Variants in B3GALT1 observed in about 807,000 individuals in gnomAD.
B3GALT1 encodes beta-1,3-galactosyltransferase 1.
In B3GALT1, 10 loss-of-function variants were observed where a neutral mutation model predicts 23.2. That is an observed-to-expected ratio of 0.43 (90% CI 0.27 to 0.73). B3GALT1 has a LOEUF of 0.73. Among genes scored for constraint, B3GALT1 ranks in the 30% least tolerant of loss-of-function variants. B3GALT1 has a pLI of 0.21. For missense variants in B3GALT1, 299 were observed against 405.4 expected, an observed-to-expected ratio of 0.74 and a Z score of 2.25; for synonymous variants, 156 against 141.5, an observed-to-expected ratio of 1.10 and a Z score of -0.73.
intron 1 of B3GALT1, among the ~76,000 whole-genome samples, chr2:167,488,871 T>G (rs1198853521): frequency 1.3e-5 from 2 of 152,186 alleles, no homozygotes; most frequent in African/African-American, 2.4e-5. Context: ...TCATGCAACT[T>G]TAAGATTTTT....
At chr2:167,363,097 C>T (rs922292844) in intron 1 of B3GALT1, among the ~76,000 whole-genome samples, 19 of 151,900 alleles carry the variant, frequency 1.3e-4, no homozygotes, top group East Asian at 3.9e-4. Context: ...TCATGTAATC[C>T]ACCCACCTCA....
chr2:167,628,841 A>G (rs145030624), intron 2 of B3GALT1, among the ~76,000 whole-genome samples: 165 of 151,838 alleles, frequency 1.1e-3, no homozygotes, highest in African/African-American at 3.8e-3. Flanking sequence ...TATATATTCA[A>G]TGGAGTGAGG....
chr2:167,518,348 A>G (rs980738375), intron 2 of B3GALT1, among the ~76,000 whole-genome samples: 6 of 152,128 alleles, frequency 3.9e-5, no homozygotes, highest in African/African-American at 1.4e-4. Context: ...CTTTCTGGCA[A>G]AAGGCTCACA....
At chr2:167,703,727 G>C (rs911334914) in intron 3 of B3GALT1, among the ~76,000 whole-genome samples, 1 of 152,146 alleles carries the variant, frequency 6.6e-6, no homozygotes, top group African/African-American at 2.4e-5. Flanking sequence ...GGTTGCAAGG[G>C]CAGATCATTT....
At chr2:167,595,919 C>G (rs1255474743) in intron 2 of B3GALT1, among the ~76,000 whole-genome samples, 2 of 152,112 alleles carry the variant, frequency 1.3e-5, no homozygotes, top group Non-Finnish European at 2.9e-5. Flanking sequence ...CTTTTCAGTT[C>G]TTATCACTTT....
intron 2 of B3GALT1, among the ~76,000 whole-genome samples, chr2:167,559,556 A>G (rs1439599887): frequency 2.0e-5 from 3 of 152,316 alleles, no homozygotes; most frequent in Middle Eastern, 6.8e-3. Context: ...GAAAACTTTG[A>G]AAAAAATTTA....
At chr2:167,379,632 T>C (rs1697816364) in intron 1 of B3GALT1, among the ~76,000 whole-genome samples, 1 of 152,170 alleles carries the variant, frequency 6.6e-6, no homozygotes. Flanking sequence ...TATTTGATTC[T>C]TGTTTACTGG....
At chr2:167,428,932 T>A (rs2105306193) in intron 1 of B3GALT1, among the ~76,000 whole-genome samples, 1 of 152,200 alleles carries the variant, frequency 6.6e-6, no homozygotes, top group African/African-American at 2.4e-5. Context: ...CATACCATCT[T>A]ATTCTAAAGG....
intron 3 of B3GALT1, among the ~76,000 whole-genome samples, chr2:167,788,282 G>C (rs191985008): frequency 5.9e-5 from 9 of 151,464 alleles, no homozygotes; most frequent in Admixed American, 5.3e-4. Flanking sequence ...GGGTGGGGGC[G>C]GGGGGGTGTT....
chr2:167,572,157 A>G (rs1429844675), intron 2 of B3GALT1, among the ~76,000 whole-genome samples: 1 of 151,864 alleles, frequency 6.6e-6, no homozygotes, highest in African/African-American at 2.4e-5. Context: ...AATTAAAATG[A>G]AAGTCATTTC....
At chr2:167,325,211 G>GT (rs980003698) in intron 1 of B3GALT1, among the ~76,000 whole-genome samples, 9 of 150,712 alleles carry the variant, frequency 6.0e-5, no homozygotes, top group African/African-American at 2.0e-4. Flanking sequence ...CTTTTTTTTT[G>GT]TTTTTTGGAT....
intron 1 of B3GALT1, among the ~76,000 whole-genome samples, chr2:167,447,373 C>T (rs949781386): frequency 2.6e-5 from 4 of 152,228 alleles, no homozygotes; most frequent in Non-Finnish European, 5.9e-5. Flanking sequence ...TGGAGAACCA[C>T]TACTCTCTTC....
intron 4 of B3GALT1, among the ~76,000 whole-genome samples, chr2:167,857,352 G>C (rs1384081190): frequency 2.0e-5 from 3 of 152,038 alleles, no homozygotes; most frequent in Non-Finnish European, 4.4e-5. Context: ...AATGAGAAGA[G>C]TCCAGCATAG....
intron 1 of B3GALT1, among the ~76,000 whole-genome samples, chr2:167,418,678 CTT>C (rs55702273): frequency 2.7e-3 from 330 of 122,874 alleles, no homozygotes; most frequent in Middle Eastern, 4.3e-3. Flanking sequence ...ATTTCTTCCT[CTT>C]TTTTTTTTTT....
At chr2:167,512,601 T>TATATAC (rs1700034661) in intron 2 of B3GALT1, among the ~76,000 whole-genome samples, 6 of 103,960 alleles carry the variant, frequency 5.8e-5, no homozygotes, top group African/African-American at 2.1e-4. Context: ...TGTGTATATA[T>TATATAC]ATATATGTAT....
At position 167,449,032 on chromosome 2, in the gene B3GALT1, A is replaced by T. The variant is rs930959793; in HGVS notation, c.-510-41145A>T. Among the ~76,000 whole-genome samples, 3 of 152,112 alleles carry T rather than the reference A, an allele frequency of 2.0e-5. No individual in the cohort carries two copies. In the East Asian group the frequency reaches 5.8e-4, roughly 29 times the overall value. On this transcript the variant is annotated intron_variant, in intron 1 of 4. Coordinates refer to ENST00000392690, the MANE Select transcript of B3GALT1 (RefSeq NM_020981.4). ...GTATAGTTTAAAGTTGGGTAATGTG[A>T]TGCCTTCAGATTTGTTATTTTTGCT...
At position 167,567,229 on chromosome 2, in the gene B3GALT1, C is replaced by A. The variant is rs201247268; in HGVS notation, c.-410+76952C>A. 1.1e-4 allele frequency among the ~76,000 whole-genome samples: 17 copies of A among 152,092 alleles called. No individual in the cohort carries two copies. In the East Asian group the frequency reaches 3.3e-3, roughly 29 times the overall value. On this transcript the variant is annotated intron_variant, in intron 2 of 4. Transcript: ENST00000392690. ...GTGATTAGAAAACTGTATCTTAAAA[C>A]TCAAAAAAATAAGAAATAGAATTAA... is the stretch of plus-strand genomic sequence containing the variant.
intron 1 of B3GALT1, among the ~76,000 whole-genome samples, chr2:167,482,262 T>A (rs977429226): frequency 2.0e-5 from 3 of 152,316 alleles, no homozygotes; most frequent in East Asian, 1.9e-4. Context: ...TGAATCATAT[T>A]TTTTGGCTAC....
At chr2:167,826,644 G>C (rs1689235403) in intron 4 of B3GALT1, among the ~76,000 whole-genome samples, 1 of 152,198 alleles carries the variant, frequency 6.6e-6, no homozygotes, top group South Asian at 2.1e-4. Context: ...GTGAGAGTCA[G>C]GGATGTTTAT....
Sources: gnomAD v4.1 joint callset for allele counts (sites outside exome capture counted in the v4.1 genomes callset) on GRCh38, gnomAD v4.1.1 for gene constraint, MANE v1.5 for transcripts, NCBI Gene and HGNC (gene_info 2026-07-23, HGNC 2026-07-21) for gene names.